Variants in PCDHGA2 observed in about 807,000 individuals in gnomAD.
The protein encoded by PCDHGA2 is protocadherin gamma-A2.
PCDHGA2 carries 40 observed loss-of-function variants against 59.2 expected under a neutral mutation model. The ratio of observed to expected loss-of-function variants is 0.68; its 90% CI spans 0.52 to 0.88. PCDHGA2 has a LOEUF of 0.88. Among genes scored for constraint, PCDHGA2 ranks in the 40% least tolerant of loss-of-function variants. PCDHGA2 has a pLI of 0.00. For synonymous variants in PCDHGA2, 560 were observed against 526.0 expected (o/e 1.06, Z -0.89); for missense variants, 1,226 against 1,204.0 (o/e 1.02, Z -0.27).
chr5:141,410,080 G>A (rs758499736), intron 1 of PCDHGA2: 2 of 1,612,672 alleles, frequency 1.2e-6, no homozygotes, highest in African/African-American at 2.7e-5. Context: ...CTGGGGAGGT[G>A]CGCACGGCTC....
In PCDHGA2 at chr5:141,341,078, G is replaced by A. The variant is rs748735734; in HGVS notation, c.2107G>A (p.Val703Ile). Residue 703 changes from valine (V) to isoleucine (I), a missense_variant, in exon 1 of 4, where the codon GTC becomes ATC. Physicochemically the swap from Val to Ile is conservative, Grantham distance 29 (BLOSUM62 3). Transcript: ENST00000394576. ...GGTGGCGGTGGCCGCGGTCTCCTGCGTCTTCCTGGCCTTCGTCATCGTGTT... is the reference window on the plus strand; with the variant it reads ...GGTGGCGGTGGCCGCGGTCTCCTGCATCTTCCTGGCCTTCGTCATCGTGTT... ...LVVAVAAVSCVFLAFVIVLLA... is the reference protein window; with the variant it reads ...LVVAVAAVSCIFLAFVIVLLA... The A allele has an allele frequency of 1.9e-6, 3 of 1,614,136 alleles. No homozygotes were observed. Among genetic ancestry groups the A allele is most frequent in the South Asian group, 2.2e-5 (2 of 91,074 alleles).
intron 1 of PCDHGA2, chr5:141,355,014 T>TTTAATCAG: frequency 1.2e-6 from 1 of 854,480 alleles, no homozygotes; most frequent in South Asian, 2.9e-5. Flanking sequence ...AAACCAGAAA[T>TTTAATCAG]TTAATCAGAA....
chr5:141,399,649 G>A (rs1325160100), intron 1 of PCDHGA2: 2 of 1,613,794 alleles, frequency 1.2e-6, no homozygotes, highest in East Asian at 2.2e-5. Flanking sequence ...CGCGCAAAGT[G>A]GGGTGGTGTT....
intron 1 of PCDHGA2, chr5:141,408,333 G>T (rs746692686): frequency 3.7e-6 from 6 of 1,613,924 alleles, no homozygotes; most frequent in Admixed American, 3.3e-5. Flanking sequence ...CTGGCCAAGG[G>T]CTCGGTGGTG....
rs568472427 is a variant in PCDHGA2, at chr5:141,460,924, A to G, written c.2425-33883A>G. 3.3e-4 allele frequency among the ~76,000 whole-genome samples: 50 copies of G among 150,592 alleles called. No homozygotes were observed. The East Asian group carries it at 6.6e-3, about 20-fold the overall frequency. Reference sequence around the variant, plus strand: ...AATATTCCATGGTGTATATATATATATGTGTGTGTGTATATATATGTATTA... The same window carrying G: ...AATATTCCATGGTGTATATATATATGTGTGTGTGTGTATATATATGTATTA... On this transcript the variant is annotated intron_variant, in intron 1 of 3. Coordinates refer to ENST00000394576, the MANE Select transcript of PCDHGA2 (RefSeq NM_018915.4).
chr5:141,477,565 C>T lies in PCDHGA2; in HGVS notation c.2425-17242C>T, dbSNP rs1168703868. 3.1e-6 allele frequency: 5 copies of T among 1,614,146 alleles called. No homozygotes were observed. The highest frequency in any genetic ancestry group is 4.2e-6 in the Non-Finnish European group (5 of 1,180,030). On this transcript the variant is annotated intron_variant, in intron 1 of 3. Transcript: ENST00000394576. The surrounding 1 kb of genome is among the most constrained non-coding windows in gnomAD (Gnocchi z 4.9). ...CAATACTAAACCTAAGTGTCTGGGA[C>T]CCCGACGCCCCGCAGAATGCTCGGC... is the stretch of plus-strand genomic sequence containing the variant.
chr5:141,389,905 C>T (rs1254194844), intron 1 of PCDHGA2: 1 of 1,613,984 alleles, frequency 6.2e-7, no homozygotes, highest in Non-Finnish European at 8.5e-7. Flanking sequence ...CCGGATATCA[C>T]TGACCGCCCC....
At chr5:141,394,430 C>G in intron 1 of PCDHGA2, 2 of 1,614,244 alleles carry the variant, frequency 1.2e-6, no homozygotes, top group Non-Finnish European at 1.7e-6. Flanking sequence ...ACAGCGGGGA[C>G]CCGCCCCTCA....
intron 1 of PCDHGA2, chr5:141,357,155 C>T (rs2149794664): frequency 6.2e-7 from 1 of 1,613,630 alleles, no homozygotes; most frequent in Non-Finnish European, 8.5e-7. Flanking sequence ...CATGGCCAGC[C>T]CCCTCTCTCG....
intron 1 of PCDHGA2, chr5:141,355,334 T>C (rs1759804410): frequency 6.2e-7 from 1 of 1,613,854 alleles, no homozygotes; most frequent in Non-Finnish European, 8.5e-7. Flanking sequence ...GGCTCAGTGG[T>C]GGGCAACATC....
intron 1 of PCDHGA2, chr5:141,371,210 C>T: frequency 6.2e-7 from 1 of 1,614,010 alleles, no homozygotes; most frequent in Non-Finnish European, 8.5e-7. Flanking sequence ...TGGATGAGGG[C>T]ATCAATGCCG....
rs763381960 is a variant in PCDHGA2 at position 141,341,099 on chromosome 5, G to T, written c.2128G>T (p.Val710Leu). Residue 710 changes from valine to leucine, a missense_variant, in exon 1 of 4, where the codon GTG becomes TTG. Transcript: ENST00000394576. ...CTGCGTCTTCCTGGCCTTCGTCATCGTGTTGCTGGCGCACAGGCTGCGGCG... is the reference window on the plus strand; with the variant it reads ...CTGCGTCTTCCTGGCCTTCGTCATCTTGTTGCTGGCGCACAGGCTGCGGCG... The part of the protein sequence containing the change: ...VSCVFLAFVI[V>L]LLAHRLRRWH... 2 of 1,614,222 alleles carry T rather than the reference G, an allele frequency of 1.2e-6. No homozygotes were observed. Among genetic ancestry groups the T allele is most frequent in the South Asian group, 1.1e-5 (1 of 91,082 alleles).
intron 2 of PCDHGA2, among the ~76,000 whole-genome samples, chr5:141,502,866 C>CTTTTTTCTT (rs2099816532): frequency 7.8e-6 from 1 of 128,046 alleles, no homozygotes; most frequent in African/African-American, 3.1e-5. Context: ...GACTCTCTGT[C>CTTTTTTCTT]TTTTTTTTTT....
intron 1 of PCDHGA2, chr5:141,375,550 C>T (rs770616547): frequency 2.5e-6 from 4 of 1,614,066 alleles, no homozygotes; most frequent in Middle Eastern, 1.6e-4. Context: ...AAGTCTCCTA[C>T]TCACTGGCAG....
Position 141,451,680 on chromosome 5 carries a change from A to G in PCDHGA2, c.2425-43127A>G, listed in dbSNP as rs189200375. Among the ~76,000 whole-genome samples, 85 of 152,310 alleles carry G rather than the reference A, an allele frequency of 5.6e-4. 1 individual carries two copies. The East Asian group carries it at 0.012, about 21-fold the overall frequency. On this transcript the variant is annotated intron_variant, in intron 1 of 3. Coordinates refer to ENST00000394576, the MANE Select transcript of PCDHGA2 (RefSeq NM_018915.4). The stretch of plus-strand genomic sequence containing the variant: ...GTGGACTGCTTGAGCCCAGGAGTTC[A>G]AGACCAGCCTGGGTAACATGACAAA...
intron 1 of PCDHGA2, chr5:141,408,684 A>G (rs1660685979): frequency 6.2e-7 from 1 of 1,613,862 alleles, no homozygotes; most frequent in African/African-American, 1.3e-5. Context: ...ACGGATCCTG[A>G]TATAAACATA....
intron 1 of PCDHGA2, among the ~76,000 whole-genome samples, chr5:141,488,510 G>A (rs910546464): frequency 1.3e-5 from 2 of 152,152 alleles, no homozygotes; most frequent in Non-Finnish European, 2.9e-5. Context: ...TCCACATTTG[G>A]GGTCTGGGGT....
rs747049833 is a variant in PCDHGA2 at position 141,372,558 on chromosome 5, G to T, written c.2424+31163G>T. 2.5e-6 allele frequency: 4 copies of T among 1,614,002 alleles called. No individual in the cohort carries two copies. In the South Asian group the frequency reaches 4.4e-5, roughly 18 times the overall value. ...GCGCCTGCGATGCTCCTCCAGACCC[G>T]CCACTGAGGGCTACTTTCAGCCTGG... On this transcript the variant is annotated intron_variant, in intron 1 of 3. Transcript: ENST00000394576.
chr5:141,361,163 G>A (rs1176062621), intron 1 of PCDHGA2: 2 of 1,613,940 alleles, frequency 1.2e-6, no homozygotes, highest in Middle Eastern at 1.6e-4. Flanking sequence ...GACAACGATT[G>A]TGCACCTGAA....
Sources: allele counts gnomAD v4.1 joint callset (sites outside exome capture counted in the v4.1 genomes callset), GRCh38; gene constraint gnomAD v4.1.1; non-coding constraint Gnocchi (gnomAD v3.1); transcripts MANE v1.5; gene names NCBI Gene and HGNC (gene_info 2026-07-23, HGNC 2026-07-21).